The following MBD5 variants were observed in gnomAD, a reference collection of about 807,000 sequenced individuals.
The protein encoded by MBD5 is methyl-CpG binding domain protein 5, also known as methyl-CpG-binding domain protein 5.
In MBD5, 13 loss-of-function variants were observed where a neutral mutation model predicts 117.3. The ratio of observed to expected loss-of-function variants is 0.11; its 90% CI spans 0.07 to 0.18. The LOEUF (loss-of-function observed/expected upper bound fraction) is 0.18. MBD5 is among the 10% of genes least tolerant of loss of function. The probability of loss-of-function intolerance (pLI) is 1.00; values close to 1 mark genes in which losing one functional copy is unlikely to be tolerated. For synonymous variants in MBD5, 727 were observed against 766.4 expected (o/e 0.95, Z 0.85); for missense variants, 1,879 against 2,093.8 (o/e 0.90, Z 2.00).
intron 8 of MBD5, chr2:148,471,711 T>G (rs1421511522): frequency 6.6e-6 from 1 of 152,124 alleles, no homozygotes; most frequent in Non-Finnish European, 1.5e-5. Flanking sequence ...ATCTCTTATG[T>G]TAAATATATA....
chr2:148,418,841 C>A (rs1377454798), intron 4 of MBD5, among the ~76,000 whole-genome samples: 5 of 151,794 alleles, frequency 3.3e-5, no homozygotes, highest in Admixed American at 6.6e-5. Context: ...TCAAAAATAC[C>A]AATGTTATTC....
At chr2:148,417,976 A>G (rs1705475849) in intron 4 of MBD5, among the ~76,000 whole-genome samples, 1 of 152,012 alleles carries the variant, frequency 6.6e-6, no homozygotes, top group South Asian at 2.1e-4. Context: ...AGTAGCTGAG[A>G]CTACAGGCAC....
At chr2:148,158,886 AT>A (rs550222053) in intron 1 of MBD5, among the ~76,000 whole-genome samples, 1 of 151,954 alleles carries the variant, frequency 6.6e-6, no homozygotes, top group Non-Finnish European at 1.5e-5. Flanking sequence ...TGCCTGGCTA[AT>A]TTTTTTTGGT....
intron 2 of MBD5, among the ~76,000 whole-genome samples, chr2:148,217,898 C>T (rs1274453652): frequency 3.3e-5 from 5 of 152,108 alleles, no homozygotes; most frequent in African/African-American, 1.2e-4. Context: ...TTTCCCTTGC[C>T]TCCATAACTG....
At chr2:148,248,503 A>G (rs78689092) in intron 3 of MBD5, among the ~76,000 whole-genome samples, 2,552 of 152,278 alleles carry the variant, frequency 0.017, 29 homozygotes, top group East Asian at 0.034. Context: ...AAATTTCCAC[A>G]GGTAAAATTC....
intron 2 of MBD5, among the ~76,000 whole-genome samples, chr2:148,228,205 G>A (rs4399670): frequency 6.6e-6 from 1 of 151,932 alleles, no homozygotes; most frequent in Non-Finnish European, 1.5e-5. Flanking sequence ...CAAAGGGAAT[G>A]CTTCCAGTTT....
chr2:148,064,147 A>G (rs1212868845), intron 1 of MBD5, among the ~76,000 whole-genome samples: 1 of 102,178 alleles, frequency 9.8e-6, no homozygotes, highest in East Asian at 2.7e-4. Context: ...TTTTTTTGAG[A>G]CAGAGCCTCG....
chr2:148,162,454 G>C (rs1362810764), intron 1 of MBD5, among the ~76,000 whole-genome samples: 1 of 152,136 alleles, frequency 6.6e-6, no homozygotes, highest in Non-Finnish European at 1.5e-5. Flanking sequence ...ATTTTACACT[G>C]TCATGATAAA....
At chr2:148,344,366 G>A in intron 4 of MBD5, among the ~76,000 whole-genome samples, 1 of 152,050 alleles carries the variant, frequency 6.6e-6, no homozygotes, top group East Asian at 1.9e-4. Context: ...GACATTGGTA[G>A]TTTGATAGCA....
At chr2:148,081,744 G>A (rs1385709565) in intron 1 of MBD5, among the ~76,000 whole-genome samples, 1 of 152,116 alleles carries the variant, frequency 6.6e-6, no homozygotes, top group Non-Finnish European at 1.5e-5. Flanking sequence ...GGATGGCTCT[G>A]TGCATGCTTA....
chr2:148,138,520 T>C (rs62183893), intron 1 of MBD5, among the ~76,000 whole-genome samples: 12,789 of 152,258 alleles, frequency 0.084, 605 homozygotes, highest in South Asian at 0.14. Flanking sequence ...CTTATACTTG[T>C]ATAGAAGAAT....
chr2:148,406,893 A>T (rs985092420), intron 4 of MBD5, among the ~76,000 whole-genome samples: 1 of 152,114 alleles, frequency 6.6e-6, no homozygotes, highest in Non-Finnish European at 1.5e-5. Flanking sequence ...CTTCCCATTT[A>T]TCTAAAGGTG....
At chr2:148,263,105 G>GA (rs1425018941) in intron 3 of MBD5, among the ~76,000 whole-genome samples, 1 of 152,144 alleles carries the variant, frequency 6.6e-6, no homozygotes, top group Non-Finnish European at 1.5e-5. Context: ...CAATTTAGGG[G>GA]AAAAGATGAT....
intron 1 of MBD5, among the ~76,000 whole-genome samples, chr2:148,134,781 C>T (rs956835654): frequency 1.3e-5 from 2 of 152,134 alleles, no homozygotes; most frequent in Non-Finnish European, 2.9e-5. Context: ...GTTATGAATA[C>T]CCAGTCACAA....
intron 2 of MBD5, among the ~76,000 whole-genome samples, chr2:148,195,286 T>C (rs947794145): frequency 6.6e-6 from 1 of 152,152 alleles, no homozygotes; most frequent in African/African-American, 2.4e-5. Flanking sequence ...AGAAAAAGTA[T>C]ATGTCTGGAC....
chr2:148,063,411 G>A (rs557670935), intron 1 of MBD5, among the ~76,000 whole-genome samples: 7 of 152,216 alleles, frequency 4.6e-5, no homozygotes, highest in Admixed American at 2.0e-4. Flanking sequence ...TTACTCTAAT[G>A]CAAGTGTCAG....
At chr2:148,422,231 G>A (rs1574406957) in intron 4 of MBD5, among the ~76,000 whole-genome samples, 1 of 152,174 alleles carries the variant, frequency 6.6e-6, no homozygotes, top group Non-Finnish European at 1.5e-5. Context: ...GCTTCCAGAG[G>A]AAGGAACAGG....
At chr2:148,373,916 G>A (rs1160968460) in intron 4 of MBD5, among the ~76,000 whole-genome samples, 1 of 151,960 alleles carries the variant, frequency 6.6e-6, no homozygotes, top group Non-Finnish European at 1.5e-5. Context: ...AATACAGGCT[G>A]GGCATCCATA....
chr2:148,225,595 T>A (rs1411515365), intron 2 of MBD5, among the ~76,000 whole-genome samples: 1 of 152,210 alleles, frequency 6.6e-6, no homozygotes, highest in Non-Finnish European at 1.5e-5. Context: ...AATGTCCTCT[T>A]CTTTCTGATC....
Sources: allele counts gnomAD v4.1 joint callset (sites outside exome capture counted in the v4.1 genomes callset), GRCh38; gene constraint gnomAD v4.1.1; transcripts MANE v1.5; gene names NCBI Gene and HGNC (gene_info 2026-07-23, HGNC 2026-07-21).